Variants in ST8SIA5 observed in about 807,000 individuals in gnomAD.
ST8SIA5 encodes ST8 alpha-N-acetyl-neuraminide alpha-2,8-sialyltransferase 5, also known as alpha-2,8-sialyltransferase 8E.
Under a neutral mutation model 40.2 loss-of-function variants are expected in ST8SIA5, and 24 were observed. That is an observed-to-expected ratio of 0.60 (90% CI 0.43 to 0.84). The LOEUF (loss-of-function observed/expected upper bound fraction) is 0.84, where lower values mean the gene tolerates loss of function less well. Ranked by LOEUF, ST8SIA5 falls within the 40% of genes least tolerant of loss-of-function variation. The pLI is 0.00. For missense variants in ST8SIA5, 465 were observed against 498.5 expected, an observed-to-expected ratio of 0.93 and a Z score of 0.64; for synonymous variants, 198 against 201.8, an observed-to-expected ratio of 0.98 and a Z score of 0.16.
chr18:46,746,068 A>C (rs1422119874), intron 1 of ST8SIA5, among the ~76,000 whole-genome samples: 1 of 152,186 alleles, frequency 6.6e-6, no homozygotes, highest in Non-Finnish European at 1.5e-5. Context: ...AACGTATCTC[A>C]AAATAATAAG....
At position 46,679,832 on chromosome 18, in the gene ST8SIA5, G is replaced by A. The variant is rs1215759677; in HGVS notation, c.*210C>T. On this transcript the variant is annotated 3_prime_UTR_variant, in exon 7 of 7. Transcript: ENST00000315087. ...GCACTGGGCGGATGCACCGGTGGGG[G>A]CCAGGCCAGGAGGCTCAGCACAGAG... 1.7e-6 allele frequency: 1 copy of A among 599,708 alleles called. No homozygotes were observed. The allele number at this position is 599,708 out of a possible 1,614,324, so 37.1% of individuals were successfully genotyped here.
intron 1 of ST8SIA5, among the ~76,000 whole-genome samples, chr18:46,718,419 C>A (rs766630450): frequency 2.6e-5 from 4 of 151,964 alleles, no homozygotes; most frequent in African/African-American, 7.3e-5. Flanking sequence ...CTTCATAGAC[C>A]TAGACTTGAA....
intron 1 of ST8SIA5, among the ~76,000 whole-genome samples, chr18:46,729,936 A>C (rs1346190904): frequency 6.6e-6 from 1 of 152,158 alleles, no homozygotes; most frequent in Non-Finnish European, 1.5e-5. Context: ...AGGCCAGGCC[A>C]GGGTTCTACT....
At chr18:46,689,052 C>T in intron 3 of ST8SIA5, 133 bp from the exon 4 acceptor site, 1 of 1,132,888 alleles carries the variant, frequency 8.8e-7, no homozygotes, top group Non-Finnish European at 1.2e-6. Flanking sequence ...CTTGCCCCCA[C>T]CCTGCATGGA....
At chr18:46,683,743 C>T (rs116621376) in intron 5 of ST8SIA5, among the ~76,000 whole-genome samples, 42 of 149,448 alleles carry the variant, frequency 2.8e-4, no homozygotes, top group African/African-American at 9.1e-4. Context: ...AGATTGAGTG[C>T]GGGAGGGGGT....
intron 1 of ST8SIA5, chr18:46,731,759 C>T (rs74936037): frequency 6.6e-6 from 1 of 152,374 alleles, no homozygotes; most frequent in East Asian, 1.9e-4. Flanking sequence ...AGGGATGGCA[C>T]CATAACATGC....
rs965258802 is a variant in ST8SIA5, at chr18:46,671,459, G to C, written c.*8583C>G. ...AGATGTGGAGGTGGGCAGAGGGCTG[G>C]GTCTGCATCAGAAAACCAGGCTTTC... On this transcript the variant is annotated 3_prime_UTR_variant, in exon 7 of 7. Transcript: ENST00000315087. The C allele has an allele frequency of 1.8e-4, 28 of 152,478 alleles. No individual in the cohort carries two copies. The highest frequency in any genetic ancestry group is 6.5e-4 in the African/African-American group (27 of 41,540). The allele number at this position is 152,478 out of a possible 1,614,324, so 9.4% of individuals were successfully genotyped here. A position where few individuals can be genotyped will look rare whatever the true frequency, so the allele number is the denominator to read the frequency against.
intron 2 of ST8SIA5, among the ~76,000 whole-genome samples, chr18:46,703,747 C>T (rs563883247): frequency 2.0e-5 from 3 of 152,310 alleles, no homozygotes; most frequent in East Asian, 1.9e-4. Context: ...ATTTTTTCCA[C>T]ATCCAGATGT....
rs2033353614 is a variant in ST8SIA5 at position 46,678,864 on chromosome 18, G to T, written c.*1178C>A. The T allele has an allele frequency of 6.6e-6, 1 of 152,284 alleles. No individual in the cohort carries two copies. The highest frequency in any genetic ancestry group is 2.4e-5 in the African/African-American group (1 of 41,458). The allele number at this position is 152,284 out of a possible 1,614,324, so 9.4% of individuals were successfully genotyped here. ...GAAACACCACAGGGAGAAGCAAAGG[G>T]AATTAATTTCAGATGTGAAATGATA... is the stretch of plus-strand genomic sequence containing the variant. On this transcript the variant is annotated 3_prime_UTR_variant, in exon 7 of 7. Coordinates refer to ENST00000315087, the MANE Select transcript of ST8SIA5 (RefSeq NM_013305.6).
At chr18:46,693,884 C>T (rs2039530815) in intron 2 of ST8SIA5, among the ~76,000 whole-genome samples, 1 of 152,232 alleles carries the variant, frequency 6.6e-6, no homozygotes, top group African/African-American at 2.4e-5. Context: ...TCCGCTTTAG[C>T]ATCTCCATTA....
Position 46,670,978 on chromosome 18 carries a change from T to C in ST8SIA5, c.*9064A>G, listed in dbSNP as rs1174467969. 1 of 152,176 alleles carries C rather than the reference T, an allele frequency of 6.6e-6. No homozygotes were observed. The highest frequency in any genetic ancestry group is 2.4e-5 in the African/African-American group (1 of 41,432). The allele number at this position is 152,176 out of a possible 1,614,324, so 9.4% of individuals were successfully genotyped here. On this transcript the variant is annotated 3_prime_UTR_variant, in exon 7 of 7. Coordinates refer to ENST00000315087, the MANE Select transcript of ST8SIA5 (RefSeq NM_013305.6). ...GAGATATGTGATATTAGCAAAATGGTTGGCCCTTGATACACAGCTTTATAG... is the reference window on the plus strand; with the variant it reads ...GAGATATGTGATATTAGCAAAATGGCTGGCCCTTGATACACAGCTTTATAG...
Position 46,756,582 on chromosome 18 carries a change from G to A in ST8SIA5, c.-74C>T, listed in dbSNP as rs1287105644. The A allele has an allele frequency of 1.9e-5, 29 of 1,506,268 alleles. No individual in the cohort carries two copies. The highest frequency in any genetic ancestry group is 2.6e-5 in the Non-Finnish European group (29 of 1,127,590). The allele number at this position is 1,506,268 out of a possible 1,614,324, so 93.3% of individuals were successfully genotyped here. A position where few individuals can be genotyped will look rare whatever the true frequency, so the allele number is the denominator to read the frequency against. ...GACTCGCGGGGTTCCGGGGCCCCGG[G>A]GGGCGCGCGGCCGACTTGGCGCCTC... On this transcript the variant is annotated 5_prime_UTR_variant, in exon 1 of 7. Coordinates refer to ENST00000315087, the MANE Select transcript of ST8SIA5 (RefSeq NM_013305.6).
At chr18:46,712,005 T>G (rs1486612119) in intron 1 of ST8SIA5, among the ~76,000 whole-genome samples, 2 of 152,190 alleles carry the variant, frequency 1.3e-5, no homozygotes, top group African/African-American at 4.8e-5. Context: ...ACACCAAGCC[T>G]GAGGGTCATT....
In ST8SIA5 at chr18:46,679,546, T is replaced by C. The variant is rs2039365262; in HGVS notation, c.*496A>G. The C allele has an allele frequency of 6.1e-6, 1 of 164,504 alleles. No homozygotes were observed. The highest frequency in any genetic ancestry group is 1.3e-5 in the Non-Finnish European group (1 of 74,634). 10.2% of individuals were successfully genotyped at this position (164,504 alleles called of 1,614,324 possible). ...GCTCTGAGATTTAGATAGCAATTCA[T>C]AGCTAAGTCTTCGATATAAAACACA... On this transcript the variant is annotated 3_prime_UTR_variant, in exon 7 of 7. Coordinates refer to ENST00000315087, the MANE Select transcript of ST8SIA5 (RefSeq NM_013305.6).
At position 46,756,566 on chromosome 18, in the gene ST8SIA5, G is replaced by C; in HGVS notation, c.-58C>G. ...GGGGCGGCCAGGCAATGACTCGCGG[G>C]GTTCCGGGGCCCCGGGGGGCGCGCG... On this transcript the variant is annotated 5_prime_UTR_variant, in exon 1 of 7. Transcript: ENST00000315087. 1.3e-6 allele frequency: 2 copies of C among 1,581,454 alleles called. No individual in the cohort carries two copies. The highest frequency in any genetic ancestry group is 1.7e-6 in the Non-Finnish European group (2 of 1,163,932).
At position 46,676,998 on chromosome 18, in the gene ST8SIA5, T is replaced by C. The variant is rs1255937116; in HGVS notation, c.*3044A>G. ...AAGTCATTCGTGTTGTCACTTAACATGTGCTATCTCTGGGCATCTTTCCTC... is the reference window on the plus strand; with the variant it reads ...AAGTCATTCGTGTTGTCACTTAACACGTGCTATCTCTGGGCATCTTTCCTC... On this transcript the variant is annotated 3_prime_UTR_variant, in exon 7 of 7. Coordinates refer to ENST00000315087, the MANE Select transcript of ST8SIA5 (RefSeq NM_013305.6). The C allele has an allele frequency of 2.0e-5, 3 of 152,236 alleles. No individual in the cohort carries two copies. Among genetic ancestry groups the C allele is most frequent in the Admixed American group, 1.3e-4 (2 of 15,284 alleles). 9.4% of individuals were successfully genotyped at this position (152,236 alleles called of 1,614,324 possible).
chr18:46,704,463 C>G (rs1301262663), intron 2 of ST8SIA5, 109 bp downstream of exon 2: 6 of 973,932 alleles, frequency 6.2e-6, no homozygotes, highest in Non-Finnish European at 8.1e-6. Context: ...TCTATAGGAA[C>G]CTACCATGTG....
chr18:46,756,244 C>G, intron 1 of ST8SIA5, 134 bp downstream of exon 1: 1 of 1,296,872 alleles, frequency 7.7e-7, no homozygotes, highest in East Asian at 2.7e-5. Context: ...GCCTAAGCGG[C>G]CATGCTCGGG....
At chr18:46,733,080 G>A (rs1196595917) in intron 1 of ST8SIA5, among the ~76,000 whole-genome samples, 1 of 152,174 alleles carries the variant, frequency 6.6e-6, no homozygotes, top group African/African-American at 2.4e-5. Context: ...GCACAGCCCA[G>A]GGGGTCCACG....
Sources: gnomAD v4.1 joint callset for allele counts (sites outside exome capture counted in the v4.1 genomes callset) on GRCh38, gnomAD v4.1.1 for gene constraint, MANE v1.5 for transcripts, NCBI Gene and HGNC (gene_info 2026-07-23, HGNC 2026-07-21) for gene names.